The following ULK4 variants were observed in gnomAD, a reference collection of about 807,000 sequenced individuals.
ULK4 encodes the protein inactive serine/threonine-protein kinase ULK4.
ULK4 carries 133 observed loss-of-function variants against 160.6 expected under a neutral mutation model. The observed-to-expected ratio is 0.83, with a 90% CI of 0.72 to 0.96. The LOEUF (loss-of-function observed/expected upper bound fraction) is 0.96. Ranked by LOEUF, ULK4 falls within the 40% of genes least tolerant of loss-of-function variation. ULK4 has a pLI of 0.00. For synonymous variants in ULK4, 534 were observed against 539.8 expected (o/e 0.99, Z 0.15); for missense variants, 1,580 against 1,499.5 (o/e 1.05, Z -0.89).
intron 32 of ULK4, among the ~76,000 whole-genome samples, chr3:41,530,999 T>A (rs1381333622): frequency 6.6e-6 from 1 of 151,298 alleles, no homozygotes; most frequent in African/African-American, 2.4e-5. Context: ...CTTGACCTCG[T>A]GATCTGCCCG....
rs544384283 is a variant in ULK4, at chr3:41,481,894, G to A, written c.3227-18641C>T. Among the ~76,000 whole-genome samples the A allele has an allele frequency of 7.4e-5, 11 of 147,874 alleles. No individual in the cohort carries two copies. In the South Asian group the frequency reaches 1.9e-3, roughly 26 times the overall value. On this transcript the variant is annotated intron_variant, in intron 32 of 36. Coordinates refer to ENST00000301831, the MANE Select transcript of ULK4 (RefSeq NM_017886.4). ...TGCTTTAAAGATAATATTGATTTTT[G>A]CAAAATAATTAAGAAAATTAATCCT... is the stretch of plus-strand genomic sequence containing the variant.
intron 35 of ULK4, among the ~76,000 whole-genome samples, chr3:41,364,066 G>C (rs965167197): frequency 6.6e-6 from 1 of 152,076 alleles, no homozygotes; most frequent in Non-Finnish European, 1.5e-5. Context: ...TGAGTAGCTA[G>C]GACTACAGGC....
At chr3:41,827,900 AT>A (rs1225478234) in intron 18 of ULK4, among the ~76,000 whole-genome samples, 1 of 152,076 alleles carries the variant, frequency 6.6e-6, no homozygotes, top group African/African-American at 2.4e-5. Flanking sequence ...AAAATCCCCA[AT>A]AAAATACGGG....
At chr3:41,946,943 A>G (rs1425812445) in intron 2 of ULK4, among the ~76,000 whole-genome samples, 1 of 152,130 alleles carries the variant, frequency 6.6e-6, no homozygotes, top group Non-Finnish European at 1.5e-5. Context: ...CCTTTGACGG[A>G]CTCCAAAATG....
chr3:41,336,000 A>G (rs1206557395), intron 35 of ULK4, among the ~76,000 whole-genome samples: 1 of 152,226 alleles, frequency 6.6e-6, no homozygotes, highest in Non-Finnish European at 1.5e-5. Flanking sequence ...TGAAAAATAC[A>G]GGGATATTCA....
rs145304976 is a variant in ULK4 at position 41,517,327 on chromosome 3, A to G, written c.3226+48698T>C. Among the ~76,000 whole-genome samples the G allele has an allele frequency of 3.6e-3, 552 of 152,314 alleles. 3 individuals are homozygous for G. Among genetic ancestry groups the G allele is most frequent in the African/African-American group, 0.012 (512 of 41,580 alleles). On this transcript the variant is annotated intron_variant, in intron 32 of 36. Transcript: ENST00000301831. ...CCTAAGACCCAATATAATAGTATTA[A>G]AAGGCAGGGCCTTTAAGAGGTGATT... is the stretch of plus-strand genomic sequence containing the variant.
At chr3:41,308,809 T>G (rs1199463696) in intron 35 of ULK4, among the ~76,000 whole-genome samples, 1 of 138,476 alleles carries the variant, frequency 7.2e-6, no homozygotes, top group Non-Finnish European at 1.5e-5. Context: ...CATACATATA[T>G]GAAAATATTC....
intron 35 of ULK4, among the ~76,000 whole-genome samples, chr3:41,296,395 G>C (rs1340799595): frequency 6.6e-6 from 1 of 152,164 alleles, no homozygotes; most frequent in Non-Finnish European, 1.5e-5. Context: ...TGGCCAGGGT[G>C]TTCACCCAGG....
intron 34 of ULK4, among the ~76,000 whole-genome samples, chr3:41,417,468 G>T (rs1406170149): frequency 6.6e-6 from 1 of 152,162 alleles, no homozygotes; most frequent in African/African-American, 2.4e-5. Flanking sequence ...CTGTGACCAG[G>T]TATGAAGAGC....
intron 16 of ULK4, among the ~76,000 whole-genome samples, chr3:41,893,689 T>C (rs1366744329): frequency 4.6e-5 from 7 of 152,114 alleles, no homozygotes; most frequent in Non-Finnish European, 8.8e-5. Flanking sequence ...TCACAACATA[T>C]AAAAAGTTTA....
At chr3:41,948,954 T>C (rs1700196446) in intron 2 of ULK4, among the ~76,000 whole-genome samples, 1 of 151,826 alleles carries the variant, frequency 6.6e-6, no homozygotes, top group African/African-American at 2.4e-5. Flanking sequence ...GCATCCAAAT[T>C]GGAAAGGAAA....
intron 32 of ULK4, among the ~76,000 whole-genome samples, chr3:41,535,759 CTGGGT>C (rs2086475891): frequency 6.6e-6 from 1 of 152,176 alleles, no homozygotes; most frequent in Non-Finnish European, 1.5e-5. Flanking sequence ...GCAGCCATAC[CTGGGT>C]GCTCATTTCT....
chr3:41,304,642 T>C (rs1276632515), intron 35 of ULK4, among the ~76,000 whole-genome samples: 1 of 152,152 alleles, frequency 6.6e-6, no homozygotes, highest in Non-Finnish European at 1.5e-5. Context: ...CCATAACCAA[T>C]CACCACTACT....
At chr3:41,710,024 G>A (rs1021120466) in intron 25 of ULK4, among the ~76,000 whole-genome samples, 1 of 152,168 alleles carries the variant, frequency 6.6e-6, no homozygotes, top group Non-Finnish European at 1.5e-5. Flanking sequence ...TTGGGAACCT[G>A]AGGAGGTATG....
At chr3:41,669,708 T>C (rs932393390) in intron 29 of ULK4, among the ~76,000 whole-genome samples, 1 of 152,332 alleles carries the variant, frequency 6.6e-6, no homozygotes, top group African/African-American at 2.4e-5. Context: ...TACTCAGTGA[T>C]TGGGAATTGT....
intron 20 of ULK4, among the ~76,000 whole-genome samples, chr3:41,795,719 T>G (rs1229940441): frequency 6.6e-6 from 1 of 152,218 alleles, no homozygotes; most frequent in Non-Finnish European, 1.5e-5. Flanking sequence ...TTTAAGCAGG[T>G]AAGAAGAAGA....
intron 17 of ULK4, among the ~76,000 whole-genome samples, chr3:41,862,618 G>A (rs1366377480): frequency 6.6e-6 from 1 of 152,222 alleles, no homozygotes; most frequent in Non-Finnish European, 1.5e-5. Flanking sequence ...GGCACCCCGT[G>A]CCCAGTAACA....
In ULK4 at chr3:41,935,827, G is replaced by C. The variant is rs750077563; in HGVS notation, c.352C>G (p.Leu118Val). The change falls in exon 4 of 37, where the codon CTC becomes GTC. Residue 118 changes from leucine (L) to valine (V), a missense_variant. Transcript: ENST00000301831. ...TTCCTAGGAGAAATGTCACAAAAGA[G>C]AATGCCAAGTTTATGAAGATGATGT... ...GLHHLHKLGI[L>V]FCDISPRKIL... 4.3e-6 allele frequency: 7 copies of C among 1,611,928 alleles called. No homozygotes were observed. The South Asian group carries it at 6.6e-5, about 15-fold the overall frequency.
rs9790088 is a variant in ULK4, at chr3:41,814,996, C to G, written c.1848+4427G>C. ...TGATCTCAACTCACTGCAACCTCTG[C>G]CTCCCAGGTTCAAGCGATTCTCCTG... On this transcript the variant is annotated intron_variant, in intron 19 of 36. Coordinates refer to ENST00000301831, the MANE Select transcript of ULK4 (RefSeq NM_017886.4). Among the ~76,000 whole-genome samples the G allele has an allele frequency of 1.9e-4, 29 of 150,228 alleles. No homozygotes were observed. The East Asian group carries it at 4.9e-3, about 25-fold the overall frequency.
Sources: gnomAD v4.1 joint callset for allele counts (sites outside exome capture counted in the v4.1 genomes callset) on GRCh38, gnomAD v4.1.1 for gene constraint, MANE v1.5 for transcripts, NCBI Gene and HGNC (gene_info 2026-07-23, HGNC 2026-07-21) for gene names.